PTPRM: variants seen among roughly 807,000 people sequenced by gnomAD.
PTPRM encodes receptor-type tyrosine-protein phosphatase mu.
In PTPRM, 47 loss-of-function variants were observed where a neutral mutation model predicts 186.7. The ratio of observed to expected loss-of-function variants is 0.25; its 90% CI spans 0.20 to 0.32. The LOEUF is 0.32. Among genes scored for constraint, PTPRM ranks in the 10% least tolerant of loss-of-function variants. The pLI, the probability that PTPRM is intolerant of heterozygous loss-of-function variation, is 1.00. For missense variants in PTPRM, 1,494 were observed against 1,865.0 expected (o/e 0.80, Z 3.66); for synonymous variants, 668 against 674.9 (o/e 0.99, Z 0.16).
chr18:8,174,728 A>G (rs1384316003), intron 14 of PTPRM, among the ~76,000 whole-genome samples: 2 of 152,212 alleles, frequency 1.3e-5, no homozygotes, highest in African/African-American at 4.8e-5. Flanking sequence ...ACTGCCTATT[A>G]CTGTTTGAAT....
At chr18:7,712,586 T>C (rs2040236119) in intron 1 of PTPRM, among the ~76,000 whole-genome samples, 3 of 151,948 alleles carry the variant, frequency 2.0e-5, no homozygotes, top group African/African-American at 7.3e-5. Context: ...TAAAGGATCA[T>C]GTTCTAACCC....
intron 22 of PTPRM, among the ~76,000 whole-genome samples, chr18:8,341,291 T>A (rs9954785): frequency 0.05 from 7,590 of 152,214 alleles, 560 homozygotes; most frequent in Admixed American, 0.2. Flanking sequence ...AATAATATGG[T>A]TTACACACAT....
chr18:8,010,948 AC>A (rs759317779), intron 7 of PTPRM, among the ~76,000 whole-genome samples: 2 of 152,232 alleles, frequency 1.3e-5, no homozygotes, highest in Non-Finnish European at 2.9e-5. Flanking sequence ...TAATTTGACA[AC>A]AGAATCTCCT....
chr18:7,827,411 A>G (rs542886094), intron 2 of PTPRM, among the ~76,000 whole-genome samples: 2 of 152,170 alleles, frequency 1.3e-5, no homozygotes, highest in Non-Finnish European at 2.9e-5. Context: ...GTAAAATAAA[A>G]TGTGCATCTT....
intron 1 of PTPRM, among the ~76,000 whole-genome samples, chr18:7,677,665 G>A (rs2039377198): frequency 6.6e-6 from 1 of 152,098 alleles, no homozygotes; most frequent in African/African-American, 2.4e-5. Context: ...GATCAGGCCT[G>A]CAACTTCCCT....
intron 2 of PTPRM, among the ~76,000 whole-genome samples, chr18:7,849,997 A>G (rs1245909679): frequency 6.6e-6 from 1 of 152,182 alleles, no homozygotes; most frequent in Non-Finnish European, 1.5e-5. Flanking sequence ...CCTCAAAGAC[A>G]CCTATGACAT....
intron 7 of PTPRM, among the ~76,000 whole-genome samples, chr18:8,063,455 G>C (rs1260931587): frequency 6.6e-6 from 1 of 152,066 alleles, no homozygotes; most frequent in African/African-American, 2.4e-5. Flanking sequence ...GTTCCTATTC[G>C]GCCATCTTCC....
chr18:7,831,873 G>T (rs1422184225), intron 2 of PTPRM, among the ~76,000 whole-genome samples: 1 of 152,164 alleles, frequency 6.6e-6, no homozygotes, highest in Non-Finnish European at 1.5e-5. Flanking sequence ...GTGAGAACAT[G>T]TAAGGTTTTT....
intron 2 of PTPRM, among the ~76,000 whole-genome samples, chr18:7,853,021 C>T (rs913033785): frequency 9.9e-5 from 15 of 152,142 alleles, no homozygotes; most frequent in Non-Finnish European, 1.8e-4. Context: ...TCAATATAAA[C>T]GGAAAATACC....
chr18:8,262,099 G>T (rs1240227357), intron 19 of PTPRM, among the ~76,000 whole-genome samples: 1 of 152,004 alleles, frequency 6.6e-6, no homozygotes, highest in African/African-American at 2.4e-5. Context: ...GGTTGCCATT[G>T]CCCCTGCCGC....
At chr18:7,908,423 G>A (rs1178992047) in intron 4 of PTPRM, among the ~76,000 whole-genome samples, 1 of 152,038 alleles carries the variant, frequency 6.6e-6, no homozygotes, top group Non-Finnish European at 1.5e-5. Flanking sequence ...TGCAGGAGTG[G>A]CTCAGCTTTT....
Position 8,085,778 on chromosome 18 carries a change from G to A in PTPRM, c.1659G>A (p.Leu553=), listed in dbSNP as rs537827877. Residue 553 remains leucine, a synonymous_variant, in exon 10 of 33, where the codon CTG becomes CTA. Transcript: ENST00000580170. ...AAACCCATTTTCTGTTTTTTGGACT[G>A]TATCCGGGGACCACATACTCCTTTA... ...GNETHFLFFG[L]YPGTTYSFTI... 83 of 1,613,318 alleles carry A rather than the reference G, an allele frequency of 5.1e-5. No individual in the cohort carries two copies. The highest frequency in any genetic ancestry group is 6.0e-5 in the Non-Finnish European group (71 of 1,179,536).
chr18:7,699,803 A>G (rs909592467), intron 1 of PTPRM, among the ~76,000 whole-genome samples: 14 of 151,774 alleles, frequency 9.2e-5, no homozygotes, highest in African/African-American at 2.9e-4. Flanking sequence ...GGTCACCAAT[A>G]TACTCTGTGA....
At chr18:8,319,642 C>T (rs2095333373) in intron 22 of PTPRM, among the ~76,000 whole-genome samples, 2 of 152,164 alleles carry the variant, frequency 1.3e-5, no homozygotes. Flanking sequence ...CCTGTATGTA[C>T]TTTAGTAGGT....
At chr18:8,314,644 T>G in intron 20 of PTPRM, 137 bp from the exon 21 acceptor site, 1 of 536,668 alleles carries the variant, frequency 1.9e-6, no homozygotes, top group South Asian at 2.7e-5. Context: ...GTAGAGGGTG[T>G]GTACTATTTA....
At chr18:8,056,811 T>C (rs1345364938) in intron 7 of PTPRM, among the ~76,000 whole-genome samples, 1 of 151,824 alleles carries the variant, frequency 6.6e-6, no homozygotes, top group African/African-American at 2.4e-5. Context: ...AGTTTGACAT[T>C]GTCTGTTGTA....
At chr18:8,015,579 C>T (rs2084807510) in intron 7 of PTPRM, among the ~76,000 whole-genome samples, 1 of 151,666 alleles carries the variant, frequency 6.6e-6, no homozygotes, top group Admixed American at 6.6e-5. Flanking sequence ...ACCTTGCTTA[C>T]TTTGATAGGG....
chr18:7,830,064 C>G (rs1174777987), intron 2 of PTPRM, among the ~76,000 whole-genome samples: 1 of 152,170 alleles, frequency 6.6e-6, no homozygotes, highest in Non-Finnish European at 1.5e-5. Context: ...TCTCGTTAAC[C>G]TAATTCAATA....
At chr18:8,076,596 T>G (rs1270790215) in intron 9 of PTPRM, 32 bp downstream of exon 9, 1 of 1,109,664 alleles carries the variant, frequency 9.0e-7, no homozygotes, top group Admixed American at 1.9e-5. Context: ...AATTTTTAAT[T>G]AGAAATACTC....
Sources: gnomAD v4.1 joint callset for allele counts (sites outside exome capture counted in the v4.1 genomes callset) on GRCh38, gnomAD v4.1.1 for gene constraint, MANE v1.5 for transcripts, NCBI Gene and HGNC (gene_info 2026-07-23, HGNC 2026-07-21) for gene names.